Variants in NRK observed in about 807,000 individuals in gnomAD.
The protein encoded by NRK is Nik related kinase.
In NRK, 67 loss-of-function variants were observed where a neutral mutation model predicts 125.2. The ratio of observed to expected loss-of-function variants is 0.54; its 90% CI spans 0.44 to 0.66. The LOEUF (loss-of-function observed/expected upper bound fraction) is 0.66, where lower values mean the gene tolerates loss of function less well. Ranked by LOEUF, NRK falls within the 30% of genes least tolerant of loss-of-function variation. The probability of loss-of-function intolerance (pLI) is 0.00; values close to 1 mark genes in which losing one functional copy is unlikely to be tolerated. For synonymous variants in NRK, 458 were observed against 429.0 expected (o/e 1.07, Z -0.84); for missense variants, 1,224 against 1,192.9 (o/e 1.03, Z -0.38).
At chrX:105,898,333 A>G (rs1369509438) in intron 7 of NRK, among the ~76,000 whole-genome samples, 2 of 111,566 alleles carry the variant, frequency 1.8e-5, no homozygotes, top group Admixed American at 9.6e-5. Flanking sequence ...TATTTTTAAT[A>G]TTCATGGTAA....
At chrX:105,850,564 T>G (rs2039460094) in intron 2 of NRK, among the ~76,000 whole-genome samples, 1 of 112,515 alleles carries the variant, frequency 8.9e-6, no homozygotes, top group African/African-American at 3.2e-5. Context: ...CCTTTTAAAA[T>G]GGAATGTTTT....
chrX:105,836,720 G>A (rs756402537), intron 2 of NRK, among the ~76,000 whole-genome samples: 21 of 112,346 alleles, frequency 1.9e-4, no homozygotes, highest in African/African-American at 4.8e-4. Context: ...AAAAAAGGGC[G>A]TGCTTTGAAC....
chrX:105,940,258 AT>A lies in NRK; in HGVS notation c.3958+237del, dbSNP rs1002439478. Among the ~76,000 whole-genome samples, 46 of 106,298 alleles carry A rather than the reference AT, an allele frequency of 4.3e-4. No individual in the cohort carries two copies. In the East Asian group the frequency reaches 9.4e-3, roughly 22 times the overall value. The allele number at this position is 106,298 out of a possible 115,157, so 92.3% of individuals were successfully genotyped here. On this transcript the variant is annotated intron_variant, in intron 23 of 28. Transcript: ENST00000243300. ...CCAGGTCTTCTATGTTACAATCTTGATTTTTTTTTTTGAGAAAACATTGACT... is the reference window on the plus strand; with the variant it reads ...CCAGGTCTTCTATGTTACAATCTTGATTTTTTTTTTGAGAAAACATTGACT...
At chrX:105,943,763 A>G (rs183003959) in intron 23 of NRK, among the ~76,000 whole-genome samples, 178 bp from the exon 24 acceptor site, 99 of 112,275 alleles carry the variant, frequency 8.8e-4, no homozygotes, top group African/African-American at 3.1e-3. Context: ...ACTCCATAAA[A>G]CTATACAGTA....
Position 105,906,406 on chromosome X carries a change from T to A in NRK, c.846-8T>A, listed in dbSNP as rs1187389628. The stretch of plus-strand genomic sequence containing the variant: ...ACTTTTTTTTCCTCTCTTTGACTCA[T>A]TTTTTAGGTCCCGTAAGTTCCACAA... On this transcript the variant is annotated splice_polypyrimidine_tract_variant and splice_region_variant and intron_variant, in intron 10 of 28. Coordinates refer to ENST00000243300, the MANE Select transcript of NRK (RefSeq NM_198465.4). 1 of 1,127,390 alleles carries A rather than the reference T, an allele frequency of 8.9e-7. No individual in the cohort carries two copies. Among genetic ancestry groups the A allele is most frequent in the East Asian group, 3.1e-5 (1 of 32,307 alleles). The allele number at this position is 1,127,390 out of a possible 1,213,427, so 92.9% of individuals were successfully genotyped here. A position where few individuals can be genotyped will look rare whatever the true frequency, so the allele number is the denominator to read the frequency against.
chrX:105,886,678 C>T (rs2039951166), intron 4 of NRK, among the ~76,000 whole-genome samples: 2 of 105,299 alleles, frequency 1.9e-5, no homozygotes, highest in South Asian at 8.3e-4. Context: ...GAGAGTAGAC[C>T]CCTTACATAT....
At position 105,946,362 on chromosome X, in the gene NRK, T is replaced by C. The variant is rs756123695; in HGVS notation, c.4251T>C (p.Ile1417=). ...AGCCAGTGACAGTTGACCTGGCTATTGGTTCTGAAAAAAGACTAAAGATTT... is the reference window on the plus strand; with the variant it reads ...AGCCAGTGACAGTTGACCTGGCTATCGGTTCTGAAAAAAGACTAAAGATTT... ...DHKPVTVDLA[I]GSEKRLKIFF... Residue 1417 remains isoleucine (I), a synonymous_variant, in exon 26 of 29, where the codon ATT becomes ATC. Transcript: ENST00000243300. 6 of 1,198,868 alleles carry C rather than the reference T, an allele frequency of 5.0e-6. No homozygotes were observed. The highest frequency in any genetic ancestry group is 2.3e-4 in the Middle Eastern group (1 of 4,329).
rs2040865750 is a variant in NRK, at chrX:105,949,689, T to A, written c.4468T>A (p.Phe1490Ile). The A allele has an allele frequency of 8.3e-7, 1 of 1,200,786 alleles. No homozygotes were observed. Among genetic ancestry groups the A allele is most frequent in the African/African-American group, 1.8e-5 (1 of 56,855 alleles). The change falls in exon 27 of 29, where the codon TTC becomes ATC. Residue 1490 changes from phenylalanine to isoleucine, a missense_variant. Phe to Ile is a conservative substitution (Grantham distance 21, BLOSUM62 0). Transcript: ENST00000243300. ...CTCTGTGGAAGCAAATGAACAACTC[T>A]TCAAGAAGATCCTTGAAATGTGGAA... Reference protein sequence around the residue: ...ALSVEANEQLFKKILEMWKDI... With the variant: ...ALSVEANEQLIKKILEMWKDI...
intron 18 of NRK, 56 bp downstream of exon 18, chrX:105,923,538 G>T: frequency 1.1e-6 from 1 of 913,183 alleles, no homozygotes; most frequent in Admixed American, 4.6e-5. Flanking sequence ...AGAGCTATTT[G>T]CATTTTTGGT....
chrX:105,865,496 C>T (rs1319740450), intron 2 of NRK, among the ~76,000 whole-genome samples: 1 of 110,948 alleles, frequency 9.0e-6, no homozygotes, highest in African/African-American at 3.3e-5. Context: ...CAGGTGTGGG[C>T]TTAGAGAGAT....
intron 22 of NRK, 70 bp from the exon 23 acceptor site, chrX:105,939,804 T>C: frequency 1.6e-6 from 1 of 645,158 alleles, no homozygotes; most frequent in Non-Finnish European, 2.2e-6. Context: ...AAAATATCTT[T>C]ACTTTTTTTT....
At chrX:105,850,554 C>T (rs1602607128) in intron 2 of NRK, among the ~76,000 whole-genome samples, 1 of 112,369 alleles carries the variant, frequency 8.9e-6, no homozygotes, top group African/African-American at 3.2e-5. Flanking sequence ...GCTCTGTTTC[C>T]CTTTTAAAAT....
chrX:105,956,467 T>A lies in NRK; in HGVS notation c.*867T>A, dbSNP rs775991571. On this transcript the variant is annotated 3_prime_UTR_variant, in exon 29 of 29. Coordinates refer to ENST00000243300, the MANE Select transcript of NRK (RefSeq NM_198465.4). ...ATAGATTGATTTATCAAAATTATTATCTGGCCAACAGTGTGACTATCAGAC... is the reference window on the plus strand; with the variant it reads ...ATAGATTGATTTATCAAAATTATTAACTGGCCAACAGTGTGACTATCAGAC... 3 of 112,073 alleles carry A rather than the reference T, an allele frequency of 2.7e-5. No homozygotes were observed. Among genetic ancestry groups the A allele is most frequent in the African/African-American group, 9.7e-5 (3 of 30,801 alleles). 9.2% of individuals were successfully genotyped at this position (112,073 alleles called of 1,213,427 possible).
At chrX:105,851,603 C>T (rs1483125609) in intron 2 of NRK, among the ~76,000 whole-genome samples, 2 of 111,689 alleles carry the variant, frequency 1.8e-5, no homozygotes, top group Non-Finnish European at 3.8e-5. Context: ...ACCTTAATCC[C>T]AAGGGAAATG....
At chrX:105,844,180 T>C (rs2039372192) in intron 2 of NRK, among the ~76,000 whole-genome samples, 2 of 110,552 alleles carry the variant, frequency 1.8e-5, no homozygotes, top group Admixed American at 2.0e-4. Context: ...TATTATACTC[T>C]ATAAGAGTTA....
At chrX:105,869,124 G>A (rs1036823042) in intron 2 of NRK, among the ~76,000 whole-genome samples, 3 of 110,715 alleles carry the variant, frequency 2.7e-5, no homozygotes, top group African/African-American at 9.9e-5. Flanking sequence ...TGAAGGAATG[G>A]GACAGCAGGG....
chrX:105,862,248 A>G (rs770254334), intron 2 of NRK, among the ~76,000 whole-genome samples: 1 of 112,159 alleles, frequency 8.9e-6, no homozygotes, highest in South Asian at 3.7e-4. Flanking sequence ...AATATAATTG[A>G]GTCTTTATCA....
rs142744245 is a variant in NRK, at chrX:105,860,014, A to G, written c.124-20185A>G. On this transcript the variant is annotated intron_variant, in intron 2 of 28. Transcript: ENST00000243300. ...CCCAGTACCTTGCCTTAAATGAAGTATCTCTGTTTGGCTTTGTATTTTTTT... is the reference window on the plus strand; with the variant it reads ...CCCAGTACCTTGCCTTAAATGAAGTGTCTCTGTTTGGCTTTGTATTTTTTT... 2.0e-4 allele frequency among the ~76,000 whole-genome samples: 22 copies of G among 111,937 alleles called. No homozygotes were observed. In the East Asian group the frequency reaches 4.3e-3, roughly 22 times the overall value.
At chrX:105,843,977 C>G (rs1175518797) in intron 2 of NRK, among the ~76,000 whole-genome samples, 5 of 87,391 alleles carry the variant, frequency 5.7e-5, no homozygotes, top group African/African-American at 1.4e-4. Context: ...GTCCTGCACT[C>G]TGTGTGTGTG....
Sources: allele counts gnomAD v4.1 joint callset (sites outside exome capture counted in the v4.1 genomes callset), GRCh38; gene constraint gnomAD v4.1.1; transcripts MANE v1.5; gene names NCBI Gene and HGNC (gene_info 2026-07-23, HGNC 2026-07-21).